The following DYSF variants were observed in gnomAD, a reference collection of about 807,000 sequenced individuals.
The protein encoded by DYSF is dystrophy-associated fer-1-like 1.
Under a neutral mutation model 274.9 loss-of-function variants are expected in DYSF, and 212 were observed. The ratio of observed to expected loss-of-function variants is 0.77; its 90% CI spans 0.69 to 0.86. The LOEUF is 0.86. DYSF is among the 40% of genes least tolerant of loss of function. The pLI is 0.00. For synonymous variants in DYSF, 1,091 were observed against 1,078.7 expected (o/e 1.01, Z -0.22); for missense variants, 2,666 against 2,783.2 (o/e 0.96, Z 0.95).
chr2:71,588,210 C>T (rs185725868), intron 30 of DYSF, among the ~76,000 whole-genome samples: 35 of 152,168 alleles, frequency 2.3e-4, no homozygotes, highest in African/African-American at 7.5e-4. Context: ...AAAGATAGGG[C>T]GGGTCACTGG....
At chr2:71,498,748 G>A (rs1193645777) in intron 3 of DYSF, among the ~76,000 whole-genome samples, 11 of 152,206 alleles carry the variant, frequency 7.2e-5, no homozygotes, top group Admixed American at 7.2e-4. Flanking sequence ...GCTGGCCTAT[G>A]CCCAGGAATG....
intron 16 of DYSF, among the ~76,000 whole-genome samples, chr2:71,537,371 G>A (rs1353680925): frequency 2.0e-5 from 3 of 151,452 alleles, no homozygotes; most frequent in Non-Finnish European, 2.9e-5. Flanking sequence ...TCAGCCTCCC[G>A]AGTAGCAGGG....
exon 1 of DYSF, chr2:71,453,685 T>G: frequency 2.3e-6 from 1 of 431,650 alleles, no homozygotes; most frequent in Non-Finnish European, 4.4e-6. Flanking sequence ...GCCGGAGCAT[T>G]AGATTACAGC....
chr2:71,578,951 T>G (rs2092800024), intron 30 of DYSF, among the ~76,000 whole-genome samples: 1 of 152,150 alleles, frequency 6.6e-6, no homozygotes, highest in South Asian at 2.1e-4. Context: ...ATTATTTTAT[T>G]TTCGTATTAT....
At chr2:71,668,671 C>T in intron 48 of DYSF, 83 bp from the exon 49 acceptor site, 1 of 1,347,042 alleles carries the variant, frequency 7.4e-7, no homozygotes, top group Non-Finnish European at 1.0e-6. Context: ...GTTCTGTGCC[C>T]TCAGCATCTG....
chr2:71,610,007 G>A (rs11888860), intron 36 of DYSF, among the ~76,000 whole-genome samples: 1 of 152,054 alleles, frequency 6.6e-6, no homozygotes, highest in Non-Finnish European at 1.5e-5. Context: ...TAACATTTCC[G>A]GAGTGTCAGG....
At chr2:71,520,689 T>C in intron 11 of DYSF, 100 bp from the exon 12 acceptor site, 2 of 985,738 alleles carry the variant, frequency 2.0e-6, no homozygotes, top group Non-Finnish European at 1.6e-6. Context: ...AGCGGATGAG[T>C]CCTTTACCTC....
chr2:71,579,817 C>T lies in DYSF; in HGVS notation c.3402+5446C>T, dbSNP rs74755694. ...TCCAGTGCTCAGTAGCCACACCTGC[C>T]GAGTGGCCAGCTACCACATTGGGCA... On this transcript the variant is annotated intron_variant, in intron 30 of 55. Transcript: ENST00000410020. 0.016 allele frequency among the ~76,000 whole-genome samples: 2,483 copies of T among 152,310 alleles called. 143 individuals carry two copies. The South Asian group carries it at 0.21, about 13-fold the overall frequency.
intron 41 of DYSF, among the ~76,000 whole-genome samples, chr2:71,628,045 T>C (rs1262629420): frequency 6.6e-6 from 1 of 152,154 alleles, no homozygotes; most frequent in African/African-American, 2.4e-5. Flanking sequence ...TGACAATCTT[T>C]ACTAATATAT....
chr2:71,602,728 C>T lies in DYSF; in HGVS notation c.3928-48C>T. ...ATAGAGAACTTTTTCCCCTTCCAAC[C>T]CCTCTCACCATCTCCTGGATGTGCC... On this transcript the variant is annotated intron_variant, in intron 35 of 55. Coordinates refer to ENST00000410020, the MANE Select transcript of DYSF (RefSeq NM_001130987.2). The T allele has an allele frequency of 3.1e-6, 5 of 1,604,172 alleles. No homozygotes were observed. The South Asian group carries it at 4.5e-5, about 14-fold the overall frequency.
chr2:71,660,444 A>G (rs2094857989), intron 44 of DYSF, 116 bp from the exon 45 acceptor site: 1 of 861,976 alleles, frequency 1.2e-6, no homozygotes. Context: ...GACACAGCCC[A>G]CATCTCAACT....
At chr2:71,681,878 A>C (rs1367841035) in intron 54 of DYSF, among the ~76,000 whole-genome samples, 2 of 152,264 alleles carry the variant, frequency 1.3e-5, no homozygotes, top group Non-Finnish European at 2.9e-5. Context: ...TGGGGCTGGC[A>C]GAGCAGTGAG....
chr2:71,570,184 C>A, intron 27 of DYSF, 45 bp from the exon 28 acceptor site: 2 of 1,550,810 alleles, frequency 1.3e-6, no homozygotes, highest in South Asian at 1.1e-5. Context: ...CTGCTCACAT[C>A]TGTCTGTCTC....
intron 12 of DYSF, among the ~76,000 whole-genome samples, chr2:71,523,231 G>C (rs2087497214): frequency 6.6e-6 from 1 of 152,158 alleles, no homozygotes; most frequent in African/African-American, 2.4e-5. Flanking sequence ...TTCCAGCCAG[G>C]GAAATGGGAG....
rs1039209953 is a variant in DYSF at position 71,668,950 on chromosome 2, T to C, written c.5546+108T>C. ...TCTTTTCTGCCGGGCTTCAGGCTAT[T>C]TGGGCCATGGAATACAGTTCTCGTT... On this transcript the variant is annotated intron_variant, in intron 49 of 55. Transcript: ENST00000410020. 4 of 1,371,682 alleles carry C rather than the reference T, an allele frequency of 2.9e-6. No individual in the cohort carries two copies. The African/African-American group carries it at 5.8e-5, about 20-fold the overall frequency. 85.0% of individuals were successfully genotyped at this position (1,371,682 alleles called of 1,614,324 possible). A position where few individuals can be genotyped will look rare whatever the true frequency, so the allele number is the denominator to read the frequency against.
chr2:71,481,355 A>G (rs575470051), intron 2 of DYSF, among the ~76,000 whole-genome samples: 161 of 152,224 alleles, frequency 1.1e-3, no homozygotes, highest in Non-Finnish European at 2.0e-3. Flanking sequence ...CCCTGCATAC[A>G]TGGCTCCCGG....
At chr2:71,584,720 T>G (rs1183066044) in intron 30 of DYSF, among the ~76,000 whole-genome samples, 1 of 152,158 alleles carries the variant, frequency 6.6e-6, no homozygotes, top group African/African-American at 2.4e-5. Flanking sequence ...CTTGCCTGCA[T>G]ACATGGAGGG....
At chr2:71,681,323 G>A (rs2095293988) in intron 54 of DYSF, among the ~76,000 whole-genome samples, 1 of 152,256 alleles carries the variant, frequency 6.6e-6, no homozygotes, top group Admixed American at 6.5e-5. Context: ...AGATGCAGGT[G>A]CTATTGGGTA....
chr2:71,569,804 C>T lies in DYSF; in HGVS notation c.2865-16C>T. Reference sequence around the variant, plus strand: ...CCAGCAGAGCAGCAGAGACTCTGACCAGCCCTCCTCCACAGTCTGCTCCAT... The same window carrying T: ...CCAGCAGAGCAGCAGAGACTCTGACTAGCCCTCCTCCACAGTCTGCTCCAT... On this transcript the variant is annotated splice_polypyrimidine_tract_variant and intron_variant, in intron 26 of 55. Coordinates refer to ENST00000410020, the MANE Select transcript of DYSF (RefSeq NM_001130987.2). The T allele has an allele frequency of 6.2e-7, 1 of 1,609,136 alleles. No homozygotes were observed. Among genetic ancestry groups the T allele is most frequent in the Non-Finnish European group, 8.5e-7 (1 of 1,176,368 alleles).
Sources: gnomAD v4.1 joint callset for allele counts (sites outside exome capture counted in the v4.1 genomes callset) on GRCh38, gnomAD v4.1.1 for gene constraint, MANE v1.5 for transcripts, NCBI Gene and HGNC (gene_info 2026-07-23, HGNC 2026-07-21) for gene names.